ANO2: variants seen among roughly 807,000 people sequenced by gnomAD.
ANO2 encodes anoctamin 2, also known as anoctamin-2.
ANO2 carries 101 observed loss-of-function variants against 124.2 expected under a neutral mutation model. That is an observed-to-expected ratio of 0.81 (90% CI 0.69 to 0.96). The LOEUF is 0.96. ANO2 is among the 40% of genes least tolerant of loss of function. The pLI is 0.00. For missense variants in ANO2, 1,293 were observed against 1,274.5 expected (o/e 1.01, Z -0.22); for synonymous variants, 486 against 482.5 (o/e 1.01, Z -0.09).
intron 5 of ANO2, among the ~76,000 whole-genome samples, chr12:5,832,003 A>G (rs1326875008): frequency 6.6e-6 from 1 of 152,170 alleles, no homozygotes; most frequent in South Asian, 2.1e-4. Context: ...CTGAGAGTCA[A>G]TGAGTGTACA....
chr12:5,784,642 C>T (rs1280981853), intron 10 of ANO2, among the ~76,000 whole-genome samples: 1 of 152,148 alleles, frequency 6.6e-6, no homozygotes, highest in Admixed American at 6.5e-5. Context: ...GATGTGACTC[C>T]CTGGGCCTTT....
intron 4 of ANO2, among the ~76,000 whole-genome samples, chr12:5,835,504 G>A (rs1446182319): frequency 2.6e-5 from 4 of 152,288 alleles, no homozygotes; most frequent in South Asian, 4.2e-4. Flanking sequence ...TAGCATATAC[G>A]ATTTACTAAG....
intron 16 of ANO2, among the ~76,000 whole-genome samples, chr12:5,630,733 C>T (rs1945675588): frequency 1.3e-5 from 2 of 152,218 alleles, no homozygotes; most frequent in Admixed American, 1.3e-4. Flanking sequence ...ATGGGCCAGG[C>T]ACTGCGCAGG....
intron 10 of ANO2, among the ~76,000 whole-genome samples, chr12:5,755,278 G>A (rs1433037729): frequency 6.6e-6 from 1 of 151,464 alleles, no homozygotes; most frequent in Non-Finnish European, 1.5e-5. Flanking sequence ...GCCTTATAAT[G>A]GTTCCCTTGT....
intron 10 of ANO2, among the ~76,000 whole-genome samples, chr12:5,760,914 C>T (rs922637563): frequency 7.2e-5 from 11 of 152,148 alleles, no homozygotes; most frequent in Admixed American, 2.0e-4. Flanking sequence ...TAAAAGTTGA[C>T]AGCCAGGAAA....
intron 19 of ANO2, among the ~76,000 whole-genome samples, chr12:5,600,081 C>T (rs972703004): frequency 9.9e-5 from 15 of 152,174 alleles, no homozygotes; most frequent in African/African-American, 3.6e-4. Context: ...CTAAACATTG[C>T]CCACCACTAC....
intron 19 of ANO2, among the ~76,000 whole-genome samples, chr12:5,610,297 A>G (rs1944445185): frequency 1.9e-5 from 2 of 106,752 alleles, no homozygotes; most frequent in East Asian, 5.2e-4. Context: ...ATAAATATAT[A>G]AATGCATATA....
chr12:5,610,952 T>A (rs1482155874), intron 19 of ANO2, among the ~76,000 whole-genome samples: 4 of 146,288 alleles, frequency 2.7e-5, no homozygotes, highest in Non-Finnish European at 3.0e-5. Context: ...CACAGACACA[T>A]CCTGGAACAA....
intron 10 of ANO2, among the ~76,000 whole-genome samples, chr12:5,779,398 C>T (rs910817491): frequency 6.6e-5 from 10 of 152,138 alleles, no homozygotes; most frequent in East Asian, 1.9e-4. Context: ...TTCAGGAATA[C>T]GCCATGGTTT....
intron 3 of ANO2, among the ~76,000 whole-genome samples, chr12:5,861,192 A>G (rs1399829387): frequency 6.6e-6 from 1 of 152,162 alleles, no homozygotes; most frequent in Non-Finnish European, 1.5e-5. Flanking sequence ...ACATACAGCT[A>G]ATTACAAGCA....
intron 14 of ANO2, among the ~76,000 whole-genome samples, chr12:5,677,354 T>C (rs574608217): frequency 1.3e-5 from 2 of 152,176 alleles, no homozygotes; most frequent in Non-Finnish European, 2.9e-5. Flanking sequence ...CCCTAAAATC[T>C]AGAGACCCAA....
chr12:5,767,004 C>A (rs1228779126), intron 10 of ANO2, among the ~76,000 whole-genome samples: 1 of 152,200 alleles, frequency 6.6e-6, no homozygotes, highest in Non-Finnish European at 1.5e-5. Context: ...CTCAGGAGAT[C>A]AGAAGAGCAG....
intron 12 of ANO2, chr12:5,739,942 G>T: frequency 2.2e-6 from 1 of 456,066 alleles, no homozygotes; most frequent in Non-Finnish European, 4.4e-6. Flanking sequence ...AACCCATCCT[G>T]CATGTAGCTG....
intron 3 of ANO2, among the ~76,000 whole-genome samples, chr12:5,882,848 C>T (rs894692713): frequency 2.0e-5 from 3 of 152,142 alleles, no homozygotes; most frequent in Non-Finnish European, 4.4e-5. Context: ...TTGCATAGAC[C>T]ACTTGGGGGT....
At chr12:5,915,243 C>T (rs561439382) in intron 3 of ANO2, among the ~76,000 whole-genome samples, 6 of 152,072 alleles carry the variant, frequency 3.9e-5, no homozygotes, top group Non-Finnish European at 8.8e-5. Flanking sequence ...AGCAAATGTT[C>T]ATACTTGAAA....
At chr12:5,780,710 C>T (rs1051595096) in intron 10 of ANO2, among the ~76,000 whole-genome samples, 1 of 152,088 alleles carries the variant, frequency 6.6e-6, no homozygotes, top group Non-Finnish European at 1.5e-5. Flanking sequence ...GTAAACACAC[C>T]AGCTGGGAAA....
chr12:5,828,209 C>T (rs1252012065), intron 6 of ANO2, among the ~76,000 whole-genome samples: 8 of 152,216 alleles, frequency 5.3e-5, no homozygotes, highest in Non-Finnish European at 1.0e-4. Flanking sequence ...CCGCCCACGT[C>T]GGGGAACCTC....
intron 10 of ANO2, among the ~76,000 whole-genome samples, chr12:5,780,534 A>C (rs186332362): frequency 4.6e-4 from 70 of 152,364 alleles, no homozygotes; most frequent in African/African-American, 1.6e-3. Flanking sequence ...TTCCATTAGC[A>C]CATCCTAGCT....
intron 14 of ANO2, among the ~76,000 whole-genome samples, chr12:5,667,180 T>C (rs1294693181): frequency 6.6e-6 from 1 of 152,174 alleles, no homozygotes; most frequent in Non-Finnish European, 1.5e-5. Context: ...CCCTTCCCTG[T>C]AATAAACCAT....
Sources: gnomAD v4.1 joint callset for allele counts (sites outside exome capture counted in the v4.1 genomes callset) on GRCh38, gnomAD v4.1.1 for gene constraint, MANE v1.5 for transcripts, NCBI Gene and HGNC (gene_info 2026-07-23, HGNC 2026-07-21) for gene names.